The following MTCL1 variants were observed in gnomAD, a reference collection of about 807,000 sequenced individuals.
MTCL1 encodes microtubule crosslinking factor 1.
In MTCL1, 79 loss-of-function variants were observed where a neutral mutation model predicts 141.4. The ratio of observed to expected loss-of-function variants is 0.56; its 90% CI spans 0.47 to 0.67. The LOEUF (loss-of-function observed/expected upper bound fraction) is 0.67, where lower values mean the gene tolerates loss of function less well. Among genes scored for constraint, MTCL1 ranks in the 30% least tolerant of loss-of-function variants. MTCL1 has a pLI of 0.00. For missense variants in MTCL1, 2,177 were observed against 2,113.9 expected (o/e 1.03, Z -0.59); for synonymous variants, 914 against 875.8 (o/e 1.04, Z -0.77).
At chr18:8,705,587 G>C (rs1009885169), upstream of MTCL1, 41 of 966,918 alleles carry the variant, frequency 4.2e-5, no homozygotes, top group Admixed American at 2.2e-4. This position sits in a 1 kb window ranked among gnomAD's most constrained non-coding sequence, Gnocchi z 5.2. Flanking sequence ...GAGGCTGCAC[G>C]CCGCCGCCGC....
chr18:8,809,685 A>G, intron 11 of MTCL1: 2 of 1,422,512 alleles, frequency 1.4e-6, no homozygotes, highest in South Asian at 2.8e-5. Flanking sequence ...GACGCCGTGG[A>G]GCAACAGGCA....
rs1032597968 is a variant in MTCL1 at position 8,822,571 on chromosome 18, G to A, written c.3188+1073G>A. Among the ~76,000 whole-genome samples, 1 of 152,180 alleles carries A rather than the reference G, an allele frequency of 6.6e-6. No individual in the cohort carries two copies. The highest frequency in any genetic ancestry group is 1.5e-5 in the Non-Finnish European group (1 of 68,036). On this transcript the variant is annotated intron_variant, in intron 14 of 16. Coordinates refer to ENST00000359865, the Ensembl canonical transcript of MTCL1. The surrounding 1 kb of genome is among the most constrained non-coding windows in gnomAD (Gnocchi z 4.6). ...CTCCCGAAGTGCTGGGATTACAGGC[G>A]TGAGCCACTGTGCCCAGCCCAAACT...
intron 4 of MTCL1, among the ~76,000 whole-genome samples, chr18:8,766,074 C>G (rs1178469253): frequency 6.6e-6 from 1 of 151,818 alleles, no homozygotes; most frequent in Non-Finnish European, 1.5e-5. Context: ...AGATAAAGAT[C>G]CAACAACATC....
intron 11 of MTCL1, among the ~76,000 whole-genome samples, chr18:8,808,809 G>A (rs1292894903): frequency 6.6e-6 from 1 of 152,216 alleles, no homozygotes; most frequent in African/African-American, 2.4e-5. Context: ...CCTTGAAGGG[G>A]TTCTCAGTGC....
exon 6 of MTCL1, chr18:8,784,336 G>C: frequency 6.5e-7 from 1 of 1,547,890 alleles, no homozygotes; most frequent in Non-Finnish European, 8.7e-7. Context: ...AGCCCAAGCG[G>C]GAAGGGCCTG....
upstream of MTCL1, among the ~76,000 whole-genome samples, chr18:8,716,144 A>G (rs1301019843): frequency 6.6e-6 from 1 of 152,242 alleles, no homozygotes; most frequent in African/African-American, 2.4e-5. Flanking sequence ...GACATCTTAT[A>G]CTTTTAATAT....
At chr18:8,775,488 G>A (rs1172110447) in intron 4 of MTCL1, among the ~76,000 whole-genome samples, 3 of 151,850 alleles carry the variant, frequency 2.0e-5, no homozygotes, top group Non-Finnish European at 2.9e-5. Context: ...CAGGCGAATC[G>A]CTTGAACCGG....
intron 13 of MTCL1, among the ~76,000 whole-genome samples, chr18:8,820,269 G>A (rs1304664457): frequency 2.0e-5 from 3 of 152,036 alleles, no homozygotes; most frequent in African/African-American, 7.2e-5. Context: ...AATTAGCCAG[G>A]CGTGGTGGCG....
rs186993987 is a variant in MTCL1, at chr18:8,795,424, A to G, written c.2011-808A>G. Reference sequence around the variant, plus strand: ...ATCACTTTAGCTACTATAAATATTTATAGATGTTATTCTTGTGCCTTATGT... The same window carrying G: ...ATCACTTTAGCTACTATAAATATTTGTAGATGTTATTCTTGTGCCTTATGT... On this transcript the variant is annotated intron_variant, in intron 8 of 16. Transcript: ENST00000359865. Among the ~76,000 whole-genome samples, 599 of 152,340 alleles carry G rather than the reference A, an allele frequency of 3.9e-3. 3 individuals are homozygous for G. The highest frequency in any genetic ancestry group is 5.6e-3 in the Non-Finnish European group (378 of 68,034).
chr18:8,754,040 A>G (rs1042779282), intron 4 of MTCL1, among the ~76,000 whole-genome samples: 2 of 152,128 alleles, frequency 1.3e-5, no homozygotes, highest in African/African-American at 4.8e-5. Flanking sequence ...GTGACAAGCA[A>G]CTGGTTGAAA....
At chr18:8,764,150 T>C (rs2149015731) in intron 4 of MTCL1, among the ~76,000 whole-genome samples, 1 of 152,178 alleles carries the variant, frequency 6.6e-6, no homozygotes, top group African/African-American at 2.4e-5. Flanking sequence ...TAGTGGGTCT[T>C]TTTTTCTACT....
At chr18:8,781,403 A>T (rs892679831) in intron 5 of MTCL1, among the ~76,000 whole-genome samples, 2 of 151,998 alleles carry the variant, frequency 1.3e-5, no homozygotes, top group African/African-American at 4.8e-5. Flanking sequence ...TAGTCACAGG[A>T]TTGCTTTTTA....
chr18:8,751,900 C>T lies in MTCL1; in HGVS notation c.358-25933C>T, dbSNP rs375987884. On this transcript the variant is annotated intron_variant, in intron 4 of 16. Transcript: ENST00000359865. ...AAGACTTAGCTCAGGGCAGCGGTGACGCGGAAAAGAAACGTTTAAGGCCAA... is the reference window on the plus strand; with the variant it reads ...AAGACTTAGCTCAGGGCAGCGGTGATGCGGAAAAGAAACGTTTAAGGCCAA... Among the ~76,000 whole-genome samples, 6 of 152,302 alleles carry T rather than the reference C, an allele frequency of 3.9e-5. No individual in the cohort carries two copies. In the East Asian group the frequency reaches 7.7e-4, roughly 20 times the overall value.
At chr18:8,714,495 C>A (rs148059505), upstream of MTCL1, among the ~76,000 whole-genome samples, 87 of 152,250 alleles carry the variant, frequency 5.7e-4, no homozygotes, top group African/African-American at 1.8e-3. Context: ...TTAATGGACT[C>A]ACAGTTCCAC....
At chr18:8,739,025 G>A (rs1007130596) in intron 4 of MTCL1, among the ~76,000 whole-genome samples, 1 of 152,144 alleles carries the variant, frequency 6.6e-6, no homozygotes, top group African/African-American at 2.4e-5. Flanking sequence ...GGTTGCTTGA[G>A]GCCAGAAGTT....
intron 7 of MTCL1, 32 bp from the exon 7 acceptor site, chr18:8,792,966 C>T: frequency 6.2e-7 from 1 of 1,611,278 alleles, no homozygotes; most frequent in Non-Finnish European, 8.5e-7. Flanking sequence ...TTCTCATTTC[C>T]ACTAAACCCC....
At chr18:8,752,226 C>T (rs987743361) in intron 4 of MTCL1, among the ~76,000 whole-genome samples, 1 of 152,148 alleles carries the variant, frequency 6.6e-6, no homozygotes, top group Admixed American at 6.5e-5. Context: ...TAAGTTAGAA[C>T]ATTAAAAAGT....
chr18:8,785,817 G>T (rs536829622), intron 6 of MTCL1, 119 bp from the exon 6 acceptor site: 5 of 1,228,480 alleles, frequency 4.1e-6, no homozygotes, highest in Non-Finnish European at 5.6e-6. Context: ...CGTCTCCCTT[G>T]TCCATTTTTG....
At chr18:8,798,408 G>GC in intron 10 of MTCL1, 117 bp downstream of exon 9, 1 of 851,284 alleles carries the variant, frequency 1.2e-6, no homozygotes, top group Non-Finnish European at 1.7e-6. Flanking sequence ...AAATTCCACC[G>GC]CCTGACTGCG....
Sources: gnomAD v4.1 joint callset for allele counts (sites outside exome capture counted in the v4.1 genomes callset) on GRCh38, gnomAD v4.1.1 for gene constraint, Gnocchi (gnomAD v3.1) non-coding constraint, MANE v1.5 for transcripts, NCBI Gene and HGNC (gene_info 2026-07-23, HGNC 2026-07-21) for gene names.